Variants in RGS7 observed in about 807,000 individuals in gnomAD.
RGS7 encodes regulator of G-protein signaling 7.
In RGS7, 27 loss-of-function variants were observed where a neutral mutation model predicts 81.1. The ratio of observed to expected loss-of-function variants is 0.33; its 90% confidence interval spans 0.25 to 0.46. The LOEUF (loss-of-function observed/expected upper bound fraction) is 0.46. RGS7 is among the 20% of genes least tolerant of loss of function. The probability of loss-of-function intolerance (pLI) is 1.00; values close to 1 mark genes in which losing one functional copy is unlikely to be tolerated. For synonymous variants in RGS7, 208 were observed against 207.7 expected, an observed-to-expected ratio of 1.00 and a Z score of -0.01; for missense variants, 396 against 607.4, an observed-to-expected ratio of 0.65 and a Z score of 3.66.
At chr1:241,340,540 T>A (rs2082484239) in intron 2 of RGS7, among the ~76,000 whole-genome samples, 1 of 152,190 alleles carries the variant, frequency 6.6e-6, no homozygotes, top group East Asian at 1.9e-4. Flanking sequence ...AACAGTTATT[T>A]CATAGGTCTA....
At chr1:241,078,154 A>G (rs1455438903) in intron 3 of RGS7, among the ~76,000 whole-genome samples, 1 of 149,068 alleles carries the variant, frequency 6.7e-6, no homozygotes, top group African/African-American at 2.4e-5. Flanking sequence ...GGGCATATAC[A>G]GAAATATTAT....
At chr1:241,160,314 G>C (rs567006457) in intron 2 of RGS7, among the ~76,000 whole-genome samples, 2 of 152,210 alleles carry the variant, frequency 1.3e-5, no homozygotes, top group Admixed American at 1.3e-4. Context: ...CTCTGGGTAG[G>C]ATCTCACCTT....
At chr1:240,815,669 A>T (rs931926637) in intron 11 of RGS7, among the ~76,000 whole-genome samples, 4 of 152,210 alleles carry the variant, frequency 2.6e-5, no homozygotes, top group Admixed American at 2.6e-4. Context: ...TATTATAATA[A>T]AATATCAGAG....
intron 2 of RGS7, among the ~76,000 whole-genome samples, chr1:241,303,530 G>T (rs1008566799): frequency 6.6e-6 from 1 of 152,156 alleles, no homozygotes; most frequent in Non-Finnish European, 1.5e-5. Context: ...ACACGTAGAA[G>T]ATTAACAATG....
chr1:240,908,203 T>TG (rs1054441994), intron 6 of RGS7, among the ~76,000 whole-genome samples: 1 of 41,054 alleles, frequency 2.4e-5, no homozygotes, highest in African/African-American at 1.1e-4. Context: ...TGTCGTGGGG[T>TG]GGGGGGAGGG....
chr1:240,887,075 G>A (rs17698283), intron 6 of RGS7, among the ~76,000 whole-genome samples: 15,022 of 152,136 alleles, frequency 0.099, 815 homozygotes, highest in Middle Eastern at 0.15. Flanking sequence ...GTGTTGGAGA[G>A]TTCTGTGTTA....
chr1:240,970,632 C>T (rs139201876), intron 4 of RGS7, among the ~76,000 whole-genome samples: 255 of 152,304 alleles, frequency 1.7e-3, no homozygotes, highest in African/African-American at 5.4e-3. Context: ...ACTTTCTGTA[C>T]ACTAGAGCAT....
chr1:240,940,341 G>A (rs1341657966), intron 4 of RGS7, among the ~76,000 whole-genome samples: 1 of 152,164 alleles, frequency 6.6e-6, no homozygotes, highest in Non-Finnish European at 1.5e-5. Flanking sequence ...AATAAAATGT[G>A]TATGATTTTC....
intron 3 of RGS7, among the ~76,000 whole-genome samples, chr1:241,019,786 T>C (rs1229389930): frequency 7.9e-5 from 12 of 152,244 alleles, no homozygotes; most frequent in Admixed American, 7.9e-4. Context: ...GTTCCAAGTC[T>C]TTGCTATTGT....
intron 3 of RGS7, among the ~76,000 whole-genome samples, chr1:240,999,476 C>T (rs1406099864): frequency 2.0e-5 from 3 of 152,300 alleles, no homozygotes; most frequent in African/African-American, 7.2e-5. Flanking sequence ...ACAAGTTTGT[C>T]ATGGATACTT....
chr1:241,116,382 T>G (rs1252987481), intron 2 of RGS7, among the ~76,000 whole-genome samples: 1 of 152,144 alleles, frequency 6.6e-6, no homozygotes, highest in Non-Finnish European at 1.5e-5. Flanking sequence ...AAGTATGACT[T>G]AGGAAAAGGT....
chr1:240,866,888 T>A lies in RGS7; in HGVS notation c.609+1699A>T, dbSNP rs577945016. Among the ~76,000 whole-genome samples the A allele has an allele frequency of 7.2e-5, 11 of 152,148 alleles. No individual in the cohort carries two copies. The South Asian group carries it at 2.3e-3, about 32-fold the overall frequency. ...CTGGCATGGTGTGAGTCCTTTTGGG[T>A]TGCCAGGAGGATCCAGGTCATGGAA... On this transcript the variant is annotated intron_variant, in intron 9 of 18. Coordinates refer to ENST00000440928, the MANE Select transcript of RGS7 (RefSeq NM_001364886.1).
chr1:241,076,959 A>G (rs1036898162), intron 3 of RGS7, among the ~76,000 whole-genome samples: 2 of 152,222 alleles, frequency 1.3e-5, no homozygotes, highest in Non-Finnish European at 2.9e-5. Context: ...CATGCTCTAC[A>G]TTAATTACAG....
chr1:241,148,738 C>G (rs1180921184), intron 2 of RGS7, among the ~76,000 whole-genome samples: 1 of 152,242 alleles, frequency 6.6e-6, no homozygotes, highest in African/African-American at 2.4e-5. Context: ...AATGCATATA[C>G]ATTCTATAAT....
chr1:241,073,188 C>T (rs1219883911), intron 3 of RGS7, among the ~76,000 whole-genome samples: 1 of 152,210 alleles, frequency 6.6e-6, no homozygotes, highest in Non-Finnish European at 1.5e-5. Flanking sequence ...AAAAACCCCA[C>T]ATCTTTCATT....
intron 2 of RGS7, among the ~76,000 whole-genome samples, chr1:241,270,762 T>C (rs1395012502): frequency 2.3e-4 from 33 of 143,474 alleles, no homozygotes; most frequent in African/African-American, 5.4e-4. Flanking sequence ...CCCCCCCCCC[T>C]TTTTTTTTTT....
chr1:240,985,501 A>G (rs371482076), intron 3 of RGS7, among the ~76,000 whole-genome samples: 71 of 152,300 alleles, frequency 4.7e-4, no homozygotes, highest in African/African-American at 1.7e-3. Context: ...TGTTTAATTC[A>G]GAGAATAGGA....
At chr1:241,086,312 G>A (rs2063441508) in intron 3 of RGS7, among the ~76,000 whole-genome samples, 1 of 152,156 alleles carries the variant, frequency 6.6e-6, no homozygotes, top group African/African-American at 2.4e-5. Context: ...GTTTCCCAAT[G>A]TGAAAGGCAT....
chr1:241,111,286 A>G (rs1385871873), intron 2 of RGS7, among the ~76,000 whole-genome samples: 2 of 152,160 alleles, frequency 1.3e-5, no homozygotes, highest in Non-Finnish European at 2.9e-5. Flanking sequence ...TTCAAGCTCA[A>G]AAGAAGCCCC....
Sources: gnomAD v4.1 joint callset for allele counts (sites outside exome capture counted in the v4.1 genomes callset) on GRCh38, gnomAD v4.1.1 for gene constraint, MANE v1.5 for transcripts, NCBI Gene and HGNC (gene_info 2026-07-23, HGNC 2026-07-21) for gene names.